The following CTNNA2 variants were observed in gnomAD, a reference collection of about 807,000 sequenced individuals.
The protein encoded by CTNNA2 is catenin alpha 2.
Under a neutral mutation model 101.0 loss-of-function variants are expected in CTNNA2, and 42 were observed. The ratio of observed to expected loss-of-function variants is 0.42; its 90% CI spans 0.32 to 0.54. The LOEUF (loss-of-function observed/expected upper bound fraction) is 0.54. Ranked by LOEUF, CTNNA2 falls within the 20% of genes least tolerant of loss-of-function variation. CTNNA2 has a pLI of 0.14. For synonymous variants in CTNNA2, 450 were observed against 456.4 expected, an observed-to-expected ratio of 0.99 and a Z score of 0.18; for missense variants, 871 against 1,223.1, an observed-to-expected ratio of 0.71 and a Z score of 4.29.
intron 2 of CTNNA2, among the ~76,000 whole-genome samples, chr2:79,266,003 G>A (rs1402823485): frequency 6.6e-6 from 1 of 152,102 alleles, no homozygotes; most frequent in Non-Finnish European, 1.5e-5. Flanking sequence ...GTTTAAATCA[G>A]CAAATTAAAT....
At chr2:80,268,865 C>T (rs1673222818) in intron 7 of CTNNA2, among the ~76,000 whole-genome samples, 1 of 152,180 alleles carries the variant, frequency 6.6e-6, no homozygotes, top group Non-Finnish European at 1.5e-5. Context: ...TAAACACACC[C>T]AGAATCAGTC....
chr2:80,285,393 T>G (rs572010880), intron 7 of CTNNA2, among the ~76,000 whole-genome samples: 13 of 152,324 alleles, frequency 8.5e-5, no homozygotes, highest in African/African-American at 2.9e-4. Flanking sequence ...TATTTTAATG[T>G]CTTAATAAAA....
At chr2:79,311,468 G>A (rs1332089869) in intron 2 of CTNNA2, among the ~76,000 whole-genome samples, 1 of 150,274 alleles carries the variant, frequency 6.7e-6, no homozygotes, top group African/African-American at 2.5e-5. Context: ...GGACTTGTTT[G>A]GTGCTAATGC....
chr2:79,354,576 G>C (rs1029005728), intron 3 of CTNNA2, among the ~76,000 whole-genome samples: 1 of 151,964 alleles, frequency 6.6e-6, no homozygotes, highest in African/African-American at 2.4e-5. Flanking sequence ...TCAACTCTTG[G>C]ATTATTTTAT....
At chr2:79,713,752 G>A (rs963196056) in intron 2 of CTNNA2, among the ~76,000 whole-genome samples, 1 of 152,148 alleles carries the variant, frequency 6.6e-6, no homozygotes, top group Non-Finnish European at 1.5e-5. Context: ...ACTGTAGAGA[G>A]GCTTGTAAGG....
At chr2:79,418,863 T>G (rs1219776463) in intron 4 of CTNNA2, among the ~76,000 whole-genome samples, 1 of 149,140 alleles carries the variant, frequency 6.7e-6, no homozygotes, top group East Asian at 2.0e-4. Flanking sequence ...TATAGTCACA[T>G]TGAACAGGTT....
chr2:79,804,647 A>G (rs1391787064), intron 3 of CTNNA2, among the ~76,000 whole-genome samples: 1 of 151,264 alleles, frequency 6.6e-6, no homozygotes, highest in Non-Finnish European at 1.5e-5. Context: ...ATTGTAACCT[A>G]CTATTTTTTT....
In CTNNA2 at chr2:79,777,470, G is replaced by C. The variant is rs191986324; in HGVS notation, c.298+32888G>C. Among the ~76,000 whole-genome samples the C allele has an allele frequency of 7.1e-3, 1,073 of 152,082 alleles. 4 individuals carry two copies. Among genetic ancestry groups the C allele is most frequent in the Non-Finnish European group, 0.011 (734 of 68,000 alleles). ...TATGGATGAGAAAACTGGTTCTTAA[G>C]AGTAGCCGAGAGACTTACCAAGGCC... On this transcript the variant is annotated intron_variant, in intron 3 of 18. Coordinates refer to ENST00000402739, the MANE Select transcript of CTNNA2 (RefSeq NM_001282597.3).
At chr2:80,428,667 A>C (rs1681207810) in intron 9 of CTNNA2, among the ~76,000 whole-genome samples, 1 of 152,128 alleles carries the variant, frequency 6.6e-6, no homozygotes, top group African/African-American at 2.4e-5. Flanking sequence ...CCCCTACACA[A>C]ATGTCCTGGG....
At chr2:80,456,106 C>A (rs1039090510) in intron 9 of CTNNA2, among the ~76,000 whole-genome samples, 1 of 152,172 alleles carries the variant, frequency 6.6e-6, no homozygotes, top group South Asian at 2.1e-4. Flanking sequence ...GCTCCTAATG[C>A]CTGGAGCCGG....
At chr2:79,795,378 CAAAAATCAAAATGAATTACTAT>C (rs1168062394) in intron 3 of CTNNA2, among the ~76,000 whole-genome samples, 6 of 151,552 alleles carry the variant, frequency 4.0e-5, no homozygotes, top group Non-Finnish European at 8.8e-5. Context: ...ATATATTTTC[CAAAAATCAAAATGAATTACTAT>C]AAAAATTCAA....
intron 1 of CTNNA2, among the ~76,000 whole-genome samples, chr2:79,614,936 G>T (rs1223895517): frequency 6.6e-6 from 1 of 152,094 alleles, no homozygotes; most frequent in African/African-American, 2.4e-5. Context: ...CTCATGCATA[G>T]GCTGTTAGAT....
chr2:80,365,096 A>G (rs1292134852), intron 7 of CTNNA2, among the ~76,000 whole-genome samples: 1 of 152,078 alleles, frequency 6.6e-6, no homozygotes, highest in Non-Finnish European at 1.5e-5. Context: ...GCCTCTTCCC[A>G]TTCCCCTGTA....
intron 7 of CTNNA2, among the ~76,000 whole-genome samples, chr2:80,316,972 C>T (rs745572045): frequency 3.9e-5 from 6 of 152,012 alleles, no homozygotes; most frequent in African/African-American, 4.8e-5. Context: ...GCTTTATCTA[C>T]GGGTAGGCAA....
intron 7 of CTNNA2, among the ~76,000 whole-genome samples, chr2:80,127,721 C>T (rs1029964230): frequency 1.3e-5 from 2 of 152,238 alleles, no homozygotes; most frequent in South Asian, 2.1e-4. Context: ...GAGATTGCAC[C>T]TGAGGGAGAC....
chr2:80,225,817 G>C (rs538459201), intron 7 of CTNNA2, among the ~76,000 whole-genome samples: 3 of 152,258 alleles, frequency 2.0e-5, no homozygotes, highest in East Asian at 1.9e-4. Flanking sequence ...TGTTGATCTA[G>C]TGCAAGCTAA....
intron 2 of CTNNA2, among the ~76,000 whole-genome samples, chr2:79,727,499 C>T (rs999848772): frequency 6.6e-6 from 1 of 152,060 alleles, no homozygotes; most frequent in Non-Finnish European, 1.5e-5. Context: ...CATTGAAAAT[C>T]AATACTATCC....
intron 3 of CTNNA2, among the ~76,000 whole-genome samples, chr2:79,765,449 C>T (rs1218219155): frequency 1.3e-5 from 2 of 151,976 alleles, no homozygotes; most frequent in Non-Finnish European, 2.9e-5. Context: ...TTTCAAACTT[C>T]TGTATGCATT....
intron 3 of CTNNA2, among the ~76,000 whole-genome samples, chr2:79,851,618 A>C (rs1680709013): frequency 6.6e-6 from 1 of 152,156 alleles, no homozygotes; most frequent in Admixed American, 6.5e-5. Context: ...ACATGTGAAA[A>C]AGGTTGTTAG....
Sources: gnomAD v4.1 joint callset for allele counts (sites outside exome capture counted in the v4.1 genomes callset) on GRCh38, gnomAD v4.1.1 for gene constraint, MANE v1.5 for transcripts, NCBI Gene and HGNC (gene_info 2026-07-23, HGNC 2026-07-21) for gene names.